The following PRICKLE2 variants were observed in gnomAD, a reference collection of about 807,000 sequenced individuals.
PRICKLE2 encodes the protein prickle planar cell polarity protein 2.
In PRICKLE2, 21 loss-of-function variants were observed where a neutral mutation model predicts 81.4. That is an observed-to-expected ratio of 0.26 (90% CI 0.18 to 0.37). The LOEUF is 0.37. Among genes scored for constraint, PRICKLE2 ranks in the 10% least tolerant of loss-of-function variants. The probability of loss-of-function intolerance (pLI) is 1.00; values close to 1 mark genes in which losing one functional copy is unlikely to be tolerated. For missense variants in PRICKLE2, 940 were observed against 1,109.0 expected, an observed-to-expected ratio of 0.85 and a Z score of 2.16; for synonymous variants, 456 against 421.5, an observed-to-expected ratio of 1.08 and a Z score of -1.00.
chr3:64,122,641 T>C (rs1013000678), intron 7 of PRICKLE2, among the ~76,000 whole-genome samples: 1 of 152,180 alleles, frequency 6.6e-6, no homozygotes, highest in South Asian at 2.1e-4. Flanking sequence ...TAACTCTGCC[T>C]TGTCAGTGCC....
chr3:64,173,214 AAGTT>A (rs1005054148), intron 2 of PRICKLE2, among the ~76,000 whole-genome samples: 1 of 152,226 alleles, frequency 6.6e-6, no homozygotes, highest in African/African-American at 2.4e-5. Flanking sequence ...AATAAAAAAT[AAGTT>A]AGGTACTGAT....
chr3:64,120,237 T>C (rs1187035150), intron 7 of PRICKLE2, among the ~76,000 whole-genome samples: 1 of 152,196 alleles, frequency 6.6e-6, no homozygotes, highest in African/African-American at 2.4e-5. Flanking sequence ...AGTCAACTTC[T>C]AATAAAATAG....
At position 64,163,020 on chromosome 3, in the gene PRICKLE2, T is replaced by C. The variant is rs1317518873; in HGVS notation, c.254A>G (p.Asn85Ser). Reference sequence around the variant, plus strand: ...AAGCCCCCTCTAGCCCCTTACCTCATTGTCATGTGGCGGCAGCTGGTGTAG... The same window carrying C: ...AAGCCCCCTCTAGCCCCTTACCTCACTGTCATGTGGCGGCAGCTGGTGTAG... ...QLLHQLPPHD[N>S]EVRYCNSLDE... Residue 85 changes from asparagine to serine, a missense_variant, in exon 3 of 8, where the codon AAT (asparagine) becomes AGT (serine). Physicochemically the swap from Asn to Ser is conservative, Grantham distance 46. Around this residue, in one of 2 missense-constraint regions of PRICKLE2, gnomAD observed 270 missense variants for 391.8 expected, o/e 0.69. Transcript: ENST00000638394. 4 of 1,608,786 alleles carry C rather than the reference T, an allele frequency of 2.5e-6. No homozygotes were observed. The highest frequency in any genetic ancestry group is 8.5e-7 in the Non-Finnish European group (1 of 1,175,102).
chr3:64,196,775 T>A (rs145878444), intron 2 of PRICKLE2, among the ~76,000 whole-genome samples: 1 of 152,102 alleles, frequency 6.6e-6, no homozygotes, highest in African/African-American at 2.4e-5. Context: ...CACAAAAGAA[T>A]AAAAAGGACT....
intron 2 of PRICKLE2, among the ~76,000 whole-genome samples, chr3:64,187,908 C>T (rs143063333): frequency 2.4e-4 from 37 of 152,296 alleles, no homozygotes; most frequent in African/African-American, 5.8e-4. Context: ...AAGGTATCAG[C>T]GCATGCTCTA....
chr3:64,222,177 T>C (rs146475240), intron 1 of PRICKLE2, among the ~76,000 whole-genome samples: 1 of 152,272 alleles, frequency 6.6e-6, no homozygotes, highest in African/African-American at 2.4e-5. Context: ...ATTTCCAATA[T>C]TCATATGAGG....
intron 6 of PRICKLE2, among the ~76,000 whole-genome samples, 162 bp downstream of exon 6, chr3:64,153,020 T>C (rs1015725975): frequency 6.6e-5 from 10 of 152,228 alleles, no homozygotes; most frequent in African/African-American, 2.4e-4. Context: ...GCTAGTATAC[T>C]TCTTGGCCTT....
upstream of PRICKLE2, among the ~76,000 whole-genome samples, chr3:64,225,840 C>CT (rs1559591490): frequency 6.6e-6 from 1 of 151,654 alleles, no homozygotes; most frequent in Non-Finnish European, 1.5e-5. Context: ...TCAGAGCACT[C>CT]TTTTTTTAAT....
intron 2 of PRICKLE2, among the ~76,000 whole-genome samples, chr3:64,193,799 A>G (rs2107105414): frequency 6.6e-6 from 1 of 152,198 alleles, no homozygotes; most frequent in South Asian, 2.1e-4. Context: ...TTCCTGCAAA[A>G]GCTCTCTTTG....
chr3:64,116,510 G>C (rs2076935989), intron 7 of PRICKLE2, among the ~76,000 whole-genome samples: 1 of 151,808 alleles, frequency 6.6e-6, no homozygotes, highest in Admixed American at 6.6e-5. Context: ...ATGACAAGAA[G>C]GATATTATCA....
At chr3:64,224,592 T>G (rs2107153427) in intron 1 of PRICKLE2, among the ~76,000 whole-genome samples, 1 of 152,330 alleles carries the variant, frequency 6.6e-6, no homozygotes, top group African/African-American at 2.4e-5. Context: ...ATTTGGTCTG[T>G]TAGCCCCTTT....
Position 64,191,369 on chromosome 3 carries a change from C to A in PRICKLE2, c.144+7415G>T, listed in dbSNP as rs76712134. 8.5e-3 allele frequency among the ~76,000 whole-genome samples: 1,295 copies of A among 152,262 alleles called. 8 individuals carry two copies. Among genetic ancestry groups the A allele is most frequent in the Middle Eastern group, 0.024 (7 of 294 alleles). On this transcript the variant is annotated intron_variant, in intron 2 of 7. Transcript: ENST00000638394. ...CAACTGACTTATTGAGCAACTTCTA[C>A]GTGCAGACAGAGGGCCAGGAGCATT...
At chr3:64,243,989 G>A (rs531571752) in intron 2 of PRICKLE2, among the ~76,000 whole-genome samples, 10 of 152,186 alleles carry the variant, frequency 6.6e-5, no homozygotes, top group African/African-American at 2.4e-4. Flanking sequence ...CCAATTTGTG[G>A]CAGCCAAATT....
At chr3:64,237,304 T>C (rs941782664) in intron 2 of PRICKLE2, among the ~76,000 whole-genome samples, 1 of 152,168 alleles carries the variant, frequency 6.6e-6, no homozygotes, top group African/African-American at 2.4e-5. Context: ...CCAGCAGGAA[T>C]CAGGTTGCAC....
At position 64,195,675 on chromosome 3, in the gene PRICKLE2, T is replaced by TAA. The variant is rs557253873; in HGVS notation, c.144+3107_144+3108dup. ...TCTTACAGCATACTATACAGCTTTC[T>TAA]AAAAAAAAACCTTTAAATTCATAAA... On this transcript the variant is annotated intron_variant, in intron 2 of 7. Coordinates refer to ENST00000638394, the MANE Select transcript of PRICKLE2 (RefSeq NM_198859.4). Among the ~76,000 whole-genome samples, 877 of 151,336 alleles carry TAA rather than the reference T, an allele frequency of 5.8e-3. 3 individuals are homozygous for TAA. The highest frequency in any genetic ancestry group is 0.024 in the Middle Eastern group (7 of 294).
chr3:64,243,976 A>G (rs1419383079), intron 2 of PRICKLE2, among the ~76,000 whole-genome samples: 2 of 152,212 alleles, frequency 1.3e-5, no homozygotes, highest in East Asian at 3.8e-4. Flanking sequence ...AATTGTTAGT[A>G]TTCCAATTTG....
chr3:64,231,674 G>T (rs539382741), intron 2 of PRICKLE2, among the ~76,000 whole-genome samples: 112 of 152,250 alleles, frequency 7.4e-4, no homozygotes, highest in African/African-American at 2.5e-3. Context: ...ACTACAAAAT[G>T]CCACAGAGGT....
At chr3:64,109,594 G>C (rs1029026162) in intron 7 of PRICKLE2, among the ~76,000 whole-genome samples, 25 of 152,254 alleles carry the variant, frequency 1.6e-4, no homozygotes, top group African/African-American at 4.6e-4. Context: ...GGGCAGGGGT[G>C]GGGGAGGAGG....
chr3:64,153,309 A>G lies in PRICKLE2; in HGVS notation c.660T>C (p.Phe220=), dbSNP rs756711521. The G allele has an allele frequency of 1.1e-5, 18 of 1,614,046 alleles. No individual in the cohort carries two copies. The highest frequency in any genetic ancestry group is 6.7e-5 in the East Asian group (3 of 44,890). Reference sequence around the variant, plus strand: ...GCACTGTCTCACACTCGAAGCAGCAAAAGTGTTTCATGTGCCAGTGTCGCC... The same window carrying G: ...GCACTGTCTCACACTCGAAGCAGCAGAAGTGTTTCATGTGCCAGTGTCGCC... ...AEGRHWHMKH[F]CCFECETVLG... Residue 220 remains phenylalanine (F), a synonymous_variant, in exon 6 of 8, where the codon TTT becomes TTC. Transcript: ENST00000638394.
Sources: allele counts gnomAD v4.1 joint callset (sites outside exome capture counted in the v4.1 genomes callset), GRCh38; gene constraint gnomAD v4.1.1; regional missense constraint gnomAD v4.1.1; transcripts MANE v1.5; gene names NCBI Gene and HGNC (gene_info 2026-07-23, HGNC 2026-07-21).